The following PPP2R2D variants were observed in gnomAD, a reference collection of about 807,000 sequenced individuals.
PPP2R2D encodes the protein serine/threonine-protein phosphatase 2A 55 kDa regulatory subunit B delta isoform.
PPP2R2D carries 9 observed loss-of-function variants against 31.1 expected under a neutral mutation model. That is an observed-to-expected ratio of 0.29 (90% CI 0.17 to 0.51). The LOEUF (loss-of-function observed/expected upper bound fraction) is 0.51. Ranked by LOEUF, PPP2R2D falls within the 20% of genes least tolerant of loss-of-function variation. The pLI is 0.98. For missense variants in PPP2R2D, 391 were observed against 465.6 expected (o/e 0.84, Z 1.48); for synonymous variants, 179 against 172.6 (o/e 1.04, Z -0.29).
intron 3 of PPP2R2D, among the ~76,000 whole-genome samples, 154 bp downstream of exon 3, chr10:131,934,709 C>T (rs2036307055): frequency 6.6e-6 from 1 of 152,196 alleles, no homozygotes; most frequent in Non-Finnish European, 1.5e-5. Flanking sequence ...CAGAAATTAT[C>T]TAAGTTCTGG....
chr10:131,962,039 C>T (rs6560696), downstream of PPP2R2D, among the ~76,000 whole-genome samples: 22,692 of 152,212 alleles, frequency 0.15, 1,899 homozygotes, highest in African/African-American at 0.21. Context: ...CCGGGGAGCA[C>T]CGGTGCCCGG....
At chr10:131,902,581 A>G (rs1477959091) in intron 2 of PPP2R2D, among the ~76,000 whole-genome samples, 1 of 152,208 alleles carries the variant, frequency 6.6e-6, no homozygotes, top group Non-Finnish European at 1.5e-5. Flanking sequence ...TAAAAAGTTT[A>G]TTGATTTTAT....
intron 7 of PPP2R2D, among the ~76,000 whole-genome samples, chr10:131,946,680 C>A (rs1423819657): frequency 1.3e-5 from 2 of 152,020 alleles, no homozygotes; most frequent in African/African-American, 4.8e-5. Context: ...TGCTTGGCGT[C>A]GGCACAGCTG....
chr10:131,929,701 C>G (rs781905740), intron 2 of PPP2R2D, among the ~76,000 whole-genome samples: 8 of 152,104 alleles, frequency 5.3e-5, no homozygotes, highest in Non-Finnish European at 1.2e-4. Flanking sequence ...TGCTCCGTGC[C>G]TCCCTCCCCG....
intron 2 of PPP2R2D, among the ~76,000 whole-genome samples, chr10:131,910,714 T>C (rs947973333): frequency 1.6e-4 from 25 of 152,304 alleles, no homozygotes; most frequent in East Asian, 3.9e-4. Flanking sequence ...TCGTAATGCG[T>C]TGGCTAAGGG....
chr10:131,928,878 C>T (rs1389542089), intron 2 of PPP2R2D, among the ~76,000 whole-genome samples: 1 of 152,184 alleles, frequency 6.6e-6, no homozygotes, highest in Admixed American at 6.5e-5. Context: ...GACATTGTCT[C>T]TCGGGACAAG....
intron 2 of PPP2R2D, among the ~76,000 whole-genome samples, chr10:131,914,767 T>C (rs2035747462): frequency 6.6e-6 from 1 of 152,144 alleles, no homozygotes; most frequent in Non-Finnish European, 1.5e-5. Context: ...AAAGCAGATA[T>C]CCAGGGGTGA....
intron 2 of PPP2R2D, among the ~76,000 whole-genome samples, chr10:131,908,006 T>TA (rs1334785495): frequency 6.6e-6 from 1 of 152,230 alleles, no homozygotes; most frequent in Non-Finnish European, 1.5e-5. Flanking sequence ...ATCTAGAAGT[T>TA]AAATCAGAAG....
chr10:131,940,120 A>G lies in PPP2R2D; in HGVS notation c.288A>G (p.Leu96=). 1.3e-6 allele frequency: 1 copy of G among 779,350 alleles called. No homozygotes were observed. The highest frequency in any genetic ancestry group is 2.4e-6 in the Non-Finnish European group (1 of 417,476). 48.3% of individuals were successfully genotyped at this position (779,350 alleles called of 1,614,324 possible). The change falls in exon 4 of 9, where the codon CTA becomes CTG. Residue 96 remains leucine, a synonymous_variant. Coordinates refer to ENST00000455566, the MANE Select transcript of PPP2R2D (RefSeq NM_018461.5). ...HEPEFDYLKS[L]EIEEKINKIR... ...CGGAGTTTGACTATTTGAAAAGTCTAGAAATTGAGGAAAAAATTAATAAAA... is the reference window on the plus strand; with the variant it reads ...CGGAGTTTGACTATTTGAAAAGTCTGGAAATTGAGGAAAAAATTAATAAAA...
intron 2 of PPP2R2D, among the ~76,000 whole-genome samples, chr10:131,904,440 G>A (rs1177853665): frequency 6.6e-6 from 1 of 151,760 alleles, no homozygotes; most frequent in Non-Finnish European, 1.5e-5. Flanking sequence ...AACCCGGGAG[G>A]CAGAGCTTGC....
intron 3 of PPP2R2D, among the ~76,000 whole-genome samples, chr10:131,935,334 G>T (rs569300382): frequency 1.3e-5 from 2 of 152,276 alleles, no homozygotes; most frequent in East Asian, 3.9e-4. Context: ...ACAGTCCCTT[G>T]CCCTTCCTGT....
chr10:131,946,389 G>T (rs1554897989), intron 7 of PPP2R2D, among the ~76,000 whole-genome samples: 9 of 152,100 alleles, frequency 5.9e-5, no homozygotes, highest in Non-Finnish European at 1.3e-4. Flanking sequence ...CCTCTGATGG[G>T]GAAGCCGCCA....
At chr10:131,924,301 T>C (rs1554894634) in intron 2 of PPP2R2D, among the ~76,000 whole-genome samples, 1 of 152,144 alleles carries the variant, frequency 6.6e-6, no homozygotes. Flanking sequence ...TCCATGTTTA[T>C]ATATAATTAT....
Position 131,956,521 on chromosome 10 carries a change from A to C in PPP2R2D, c.*558A>C, listed in dbSNP as rs2036803515. The C allele has an allele frequency of 2.0e-6, 2 of 985,372 alleles. No individual in the cohort carries two copies. Among genetic ancestry groups the C allele is most frequent in the Non-Finnish European group, 1.2e-6 (1 of 829,970 alleles). 61.0% of individuals were successfully genotyped at this position (985,372 alleles called of 1,614,324 possible). A position where few individuals can be genotyped will look rare whatever the true frequency, so the allele number is the denominator to read the frequency against. ...TCGGGTGTGAGCGCTCAATAAAAACAACACACTATAAAGTGTTTTTAAATC... is the reference window on the plus strand; with the variant it reads ...TCGGGTGTGAGCGCTCAATAAAAACCACACACTATAAAGTGTTTTTAAATC... On this transcript the variant is annotated 3_prime_UTR_variant, in exon 9 of 9. Transcript: ENST00000455566.
chr10:131,965,760 A>G, the PPP2R2D span, among the ~76,000 whole-genome samples: 3 of 152,212 alleles, frequency 2.0e-5, no homozygotes, highest in African/African-American at 7.2e-5. Flanking sequence ...GCTGTCTTCA[A>G]ACTGCTACAG....
chr10:131,931,867 C>T (rs578014258), intron 2 of PPP2R2D, among the ~76,000 whole-genome samples: 77 of 152,270 alleles, frequency 5.1e-4, no homozygotes, highest in Admixed American at 1.2e-3. Flanking sequence ...GGATGGCGGC[C>T]GGTAGCCAGT....
intron 8 of PPP2R2D, among the ~76,000 whole-genome samples, chr10:131,953,832 T>A (rs1311919452): frequency 6.6e-6 from 1 of 152,164 alleles, no homozygotes; most frequent in East Asian, 1.9e-4. Flanking sequence ...CACTGTATTT[T>A]TTATTCCTCT....
At chr10:131,916,616 G>T (rs1425816716) in intron 2 of PPP2R2D, among the ~76,000 whole-genome samples, 1 of 152,158 alleles carries the variant, frequency 6.6e-6, no homozygotes, top group African/African-American at 2.4e-5. Context: ...ACCTCAGGCG[G>T]GTGGAATGAC....
chr10:131,933,192 G>A (rs1383599330), intron 2 of PPP2R2D, among the ~76,000 whole-genome samples: 5 of 152,192 alleles, frequency 3.3e-5, no homozygotes, highest in Non-Finnish European at 5.9e-5. Context: ...TGAGGCCAGC[G>A]AACAGTGCCA....
Sources: gnomAD v4.1 joint callset for allele counts (sites outside exome capture counted in the v4.1 genomes callset) on GRCh38, gnomAD v4.1.1 for gene constraint, MANE v1.5 for transcripts, NCBI Gene and HGNC (gene_info 2026-07-23, HGNC 2026-07-21) for gene names.